Variants in SAXO2 observed in about 807,000 individuals in gnomAD.
SAXO2 encodes stabilizer of axonemal microtubules 2, also known as family with sequence similarity 154, member B.
In SAXO2, 17 loss-of-function variants were observed where a neutral mutation model predicts 18.7. The observed-to-expected ratio is 0.91, with a 90% CI of 0.62 to 1.36. The LOEUF is 1.36. Ranked by LOEUF, SAXO2 falls within the 40% of genes most tolerant of loss-of-function variation. The pLI, the probability that SAXO2 is intolerant of heterozygous loss-of-function variation, is 0.00. For synonymous variants in SAXO2, 163 were observed against 181.2 expected (o/e 0.90, Z 0.81); for missense variants, 486 against 562.6 (o/e 0.86, Z 1.38).
At chr15:82,279,698 A>T (rs1363381583) in intron 3 of SAXO2, among the ~76,000 whole-genome samples, 2 of 152,164 alleles carry the variant, frequency 1.3e-5, no homozygotes, top group African/African-American at 4.8e-5. Flanking sequence ...TACTTTCTAA[A>T]AGTAGTTTCC....
chr15:82,282,832 T>A lies in SAXO2; in HGVS notation c.1147T>A (p.Tyr383Asn), dbSNP rs760609599. Residue 383 changes from tyrosine (Y) to asparagine (N), a missense_variant, in exon 4 of 4, where the codon TAT becomes AAT. Transcript: ENST00000682753. ...TGGTTTGAGCACTTTCAGATCTCACTATGTGCCACATGAATTGATCCCAAC... is the reference window on the plus strand; with the variant it reads ...TGGTTTGAGCACTTTCAGATCTCACAATGTGCCACATGAATTGATCCCAAC... ...FDGLSTFRSHYVPHELIPTES... is the reference protein window; with the variant it reads ...FDGLSTFRSHNVPHELIPTES... The A allele has an allele frequency of 2.5e-6, 4 of 1,613,956 alleles. No homozygotes were observed. The South Asian group carries it at 4.4e-5, about 18-fold the overall frequency.
At chr15:82,274,211 C>T (rs1476988654) in intron 3 of SAXO2, among the ~76,000 whole-genome samples, 1 of 151,986 alleles carries the variant, frequency 6.6e-6, no homozygotes, top group African/African-American at 2.4e-5. Context: ...ACTTCCACTC[C>T]TATGGTTGTA....
At chr15:82,265,820 C>A (rs1318901730) in intron 2 of SAXO2, 72 bp downstream of exon 2, 3 of 1,216,254 alleles carry the variant, frequency 2.5e-6, no homozygotes, top group African/African-American at 1.6e-5. Context: ...AGTTTTCTAG[C>A]TATTTAAATT....
intron 3 of SAXO2, among the ~76,000 whole-genome samples, chr15:82,276,341 ATT>A (rs144246860): frequency 0.23 from 34,374 of 152,000 alleles, 4,171 homozygotes; most frequent in South Asian, 0.4. Context: ...TTTTTGCAGA[ATT>A]AGAGAAAAAC....
At chr15:82,263,206 A>G in intron 1 of SAXO2, 1 of 1,455,846 alleles carries the variant, frequency 6.9e-7, no homozygotes, top group Non-Finnish European at 9.0e-7. Context: ...ATATATGTGA[A>G]GCCGCGACGG....
chr15:82,282,211 A>G lies in SAXO2; in HGVS notation c.526A>G (p.Thr176Ala), dbSNP rs368399793. ...TACTGTGAAATTTGGAAATTCAACT[A>G]CATTTCAGGATGATTTTGTTCCTCA... The part of the protein sequence containing the change: ...PPTVKFGNST[T>A]FQDDFVPQEI... The change falls in exon 4 of 4, where the codon ACA becomes GCA. Residue 176 changes from threonine to alanine, a missense_variant. Physicochemically the swap from Thr to Ala is moderately conservative, Grantham distance 58 (BLOSUM62 0). Coordinates refer to ENST00000682753, the MANE Select transcript of SAXO2 (RefSeq NM_001348699.2). 6.0e-5 allele frequency: 97 copies of G among 1,614,032 alleles called. No individual in the cohort carries two copies. Among genetic ancestry groups the G allele is most frequent in the Non-Finnish European group, 7.5e-5 (88 of 1,179,994 alleles).
chr15:82,282,457 C>T lies in SAXO2; in HGVS notation c.772C>T (p.Leu258Phe). The change falls in exon 4 of 4, where the codon CTC (leucine) becomes TTC (phenylalanine). Residue 258 changes from leucine (L) to phenylalanine (F), a missense_variant. Coordinates refer to ENST00000682753, the MANE Select transcript of SAXO2 (RefSeq NM_001348699.2). The stretch of plus-strand genomic sequence containing the variant: ...GGGTCTCATTGGTGAAACTGCAAAA[C>T]TCTGCAGACCTGTACACACCAGAGT... ...FQGLIGETAK[L>F]CRPVHTRVTQ... The T allele has an allele frequency of 6.2e-7, 1 of 1,614,048 alleles. No individual in the cohort carries two copies. Among genetic ancestry groups the T allele is most frequent in the Non-Finnish European group, 8.5e-7 (1 of 1,179,934 alleles).
chr15:82,282,706 G>A lies in SAXO2; in HGVS notation c.1021G>A (p.Gly341Arg). 2 of 1,614,070 alleles carry A rather than the reference G, an allele frequency of 1.2e-6. No homozygotes were observed. Among genetic ancestry groups the A allele is most frequent in the Non-Finnish European group, 1.7e-6 (2 of 1,180,010 alleles). The change falls in exon 4 of 4, where the codon GGA (glycine) becomes AGA (arginine). Residue 341 changes from glycine to arginine, a missense_variant. Transcript: ENST00000682753. ...AAGAAGTAACAATTTTCCTTTCCAA[G>A]GAAAAAGCATCATGAAAGAAGATTT... ...QKRSNNFPFQ[G>R]KSIMKEDFPA...
chr15:82,275,281 CAAA>C (rs756023248), intron 3 of SAXO2, among the ~76,000 whole-genome samples: 4 of 45,904 alleles, frequency 8.7e-5, no homozygotes, highest in Admixed American at 5.5e-4. Context: ...ACCTATCAAC[CAAA>C]AAAAAAAAAA....
intron 3 of SAXO2, among the ~76,000 whole-genome samples, 183 bp from the exon 4 acceptor site, chr15:82,281,936 G>A (rs1478949145): frequency 6.6e-6 from 1 of 152,260 alleles, no homozygotes; most frequent in East Asian, 1.9e-4. Context: ...GTAGAGGAAG[G>A]TGGAAATGAA....
In SAXO2 at chr15:82,271,635, A is replaced by G. The variant is rs952457004; in HGVS notation, c.266A>G (p.Gln89Arg). Residue 89 changes from glutamine to arginine, a missense_variant, in exon 3 of 4, where the codon CAG becomes CGG. Coordinates refer to ENST00000682753, the MANE Select transcript of SAXO2 (RefSeq NM_001348699.2). ...TATTGTCCTTATGAAATAGTTAAACAGCCTCGCCATGTGCCAGAAGAATAT... is the reference window on the plus strand; with the variant it reads ...TATTGTCCTTATGAAATAGTTAAACGGCCTCGCCATGTGCCAGAAGAATAT... ...SDYCPYEIVK[Q>R]PRHVPEEYKP... The G allele has an allele frequency of 1.9e-6, 3 of 1,613,474 alleles. No individual in the cohort carries two copies. The highest frequency in any genetic ancestry group is 3.3e-5 in the Admixed American group (2 of 59,900).
chr15:82,262,903 C>G lies in SAXO2; in HGVS notation c.24C>G (p.Ser8Arg), dbSNP rs141658538. The change falls in exon 1 of 4, where the codon AGC becomes AGG. Residue 8 changes from serine to arginine, a missense_variant. By Grantham distance (110) the Ser-to-Arg change is moderately radical. Coordinates refer to ENST00000682753, the MANE Select transcript of SAXO2 (RefSeq NM_001348699.2). ...GCATGGGAGCCAAGAGTATGAGGAGCTGGTGTCTGTGTCAGATTTGTAGCT... is the reference window on the plus strand; with the variant it reads ...GCATGGGAGCCAAGAGTATGAGGAGGTGGTGTCTGTGTCAGATTTGTAGCT... MGAKSMR[S>R]WCLCQICSCG... 1.2e-6 allele frequency: 2 copies of G among 1,603,848 alleles called. No individual in the cohort carries two copies. Among genetic ancestry groups the G allele is most frequent in the African/African-American group, 1.3e-5 (1 of 74,688 alleles).
intron 2 of SAXO2, among the ~76,000 whole-genome samples, chr15:82,266,494 C>G (rs2075219792): frequency 6.6e-6 from 1 of 152,214 alleles, no homozygotes; most frequent in South Asian, 2.1e-4. Flanking sequence ...ATTTACTTCT[C>G]TAATTCATTT....
chr15:82,281,760 T>C, intron 3 of SAXO2, among the ~76,000 whole-genome samples: 1 of 151,470 alleles, frequency 6.6e-6, no homozygotes. Flanking sequence ...TCCCAACCTC[T>C]TCCTAGGAAT....
intron 1 of SAXO2, chr15:82,264,742 A>G: frequency 1.4e-6 from 1 of 702,350 alleles, no homozygotes; most frequent in Non-Finnish European, 2.6e-6. Flanking sequence ...TAGACTCCAG[A>G]ATCACTCGTC....
intron 3 of SAXO2, among the ~76,000 whole-genome samples, chr15:82,276,598 CAGT>C (rs1479167086): frequency 2.6e-5 from 4 of 152,026 alleles, no homozygotes; most frequent in Non-Finnish European, 2.9e-5. Flanking sequence ...CAAAAATAAA[CAGT>C]GGGGAAATTG....
chr15:82,263,231 G>A, intron 1 of SAXO2: 3 of 1,467,578 alleles, frequency 2.0e-6, no homozygotes, highest in Non-Finnish European at 2.7e-6. Context: ...TAACGCTGGT[G>A]AGTAGTGGGA....
chr15:82,271,576 G>A, intron 2 of SAXO2, 27 bp from the exon 3 acceptor site: 2 of 1,545,338 alleles, frequency 1.3e-6, no homozygotes, highest in Non-Finnish European at 1.8e-6. Context: ...AACTTGTGAG[G>A]CTATGTTTCA....
intron 3 of SAXO2, among the ~76,000 whole-genome samples, chr15:82,278,832 A>G (rs2075338426): frequency 6.6e-6 from 1 of 152,210 alleles, no homozygotes; most frequent in African/African-American, 2.4e-5. Context: ...AAGTAACAAA[A>G]GAAATTAGAA....
Sources: allele counts gnomAD v4.1 joint callset (sites outside exome capture counted in the v4.1 genomes callset), GRCh38; gene constraint gnomAD v4.1.1; transcripts MANE v1.5; gene names NCBI Gene and HGNC (gene_info 2026-07-23, HGNC 2026-07-21).